Variants in CDK7 observed in about 807,000 individuals in gnomAD.
CDK7 encodes cyclin dependent kinase 7, also known as cyclin-dependent kinase 7.
CDK7 carries 25 observed loss-of-function variants against 49.1 expected under a neutral mutation model. The ratio of observed to expected loss-of-function variants is 0.51; its 90% CI spans 0.37 to 0.71. CDK7 has a LOEUF of 0.71. Ranked by LOEUF, CDK7 falls within the 30% of genes least tolerant of loss-of-function variation. The pLI is 0.00. For missense variants in CDK7, 316 were observed against 411.7 expected (o/e 0.77, Z 2.01); for synonymous variants, 107 against 140.0 (o/e 0.76, Z 1.67).
In CDK7 at chr5:69,277,163, T is replaced by G. The variant is rs1482186307; in HGVS notation, c.*28T>G. 6.4e-7 allele frequency: 1 copy of G among 1,558,762 alleles called. No homozygotes were observed. The highest frequency in any genetic ancestry group is 2.3e-5 in the East Asian group (1 of 43,752). On this transcript the variant is annotated 3_prime_UTR_variant, in exon 12 of 12. Transcript: ENST00000256443. ...AGAACACTGGACAACATTTTACTAC[T>G]GAGGGAAATAGCCAAAAAGGCAAAT...
chr5:69,246,734 C>G (rs1426062005), intron 2 of CDK7, among the ~76,000 whole-genome samples: 9 of 150,870 alleles, frequency 6.0e-5, no homozygotes, highest in Admixed American at 5.9e-4. Flanking sequence ...TAGGCAGTTA[C>G]AGCTATAAAC....
intron 2 of CDK7, among the ~76,000 whole-genome samples, chr5:69,242,590 G>A (rs112614273): frequency 4.6e-5 from 7 of 152,248 alleles, no homozygotes; most frequent in Non-Finnish European, 1.0e-4. Context: ...TTCTAACCTC[G>A]TGTAATTTTA....
In CDK7 at chr5:69,272,942, A is replaced by G; in HGVS notation, c.765A>G (p.Ile255Met). 1 of 1,597,666 alleles carries G rather than the reference A, an allele frequency of 6.3e-7. No homozygotes were observed. The highest frequency in any genetic ancestry group is 2.2e-5 in the East Asian group (1 of 44,656). ...TGACATTTAAGAGTTTCCCTGGAAT[A>G]CCTTTGCATCACATCTTCAGTGCAG... Reference protein sequence around the residue: ...DYVTFKSFPGIPLHHIFSAAG... With the variant: ...DYVTFKSFPGMPLHHIFSAAG... The change falls in exon 10 of 12, where the codon ATA becomes ATG. Residue 255 changes from isoleucine (I) to methionine (M), a missense_variant. Transcript: ENST00000256443.
intron 10 of CDK7, 45 bp downstream of exon 10, chr5:69,273,086 C>G: frequency 7.8e-7 from 1 of 1,283,200 alleles, no homozygotes; most frequent in Non-Finnish European, 1.1e-6. Context: ...TAAAAATAAT[C>G]TTAACTGTAG....
At chr5:69,265,478 T>C (rs138714838) in intron 8 of CDK7, among the ~76,000 whole-genome samples, 344 of 152,302 alleles carry the variant, frequency 2.3e-3, no homozygotes, top group Non-Finnish European at 4.2e-3. Flanking sequence ...GGAAAAAGAA[T>C]GGCATGAGCC....
rs564880683 is a variant in CDK7 at position 69,267,444 on chromosome 5, G to A, written c.628-1763G>A. On this transcript the variant is annotated intron_variant, in intron 8 of 11. Coordinates refer to ENST00000256443, the MANE Select transcript of CDK7 (RefSeq NM_001799.4). ...CTCCCAAGTAGCTGGGATTACAGCC[G>A]TGCACCATGACACCCGCCTAGTTTT... Among the ~76,000 whole-genome samples, 28 of 151,510 alleles carry A rather than the reference G, an allele frequency of 1.8e-4. No homozygotes were observed. In the South Asian group the frequency reaches 4.0e-3, roughly 21 times the overall value.
chr5:69,241,688 T>C (rs1210353785), intron 2 of CDK7, among the ~76,000 whole-genome samples: 1 of 152,200 alleles, frequency 6.6e-6, no homozygotes, highest in Non-Finnish European at 1.5e-5. Context: ...TCTTATGCTG[T>C]CTGCCATTTG....
intron 2 of CDK7, among the ~76,000 whole-genome samples, chr5:69,250,165 G>A (rs1373983139): frequency 6.6e-6 from 1 of 152,162 alleles, no homozygotes; most frequent in African/African-American, 2.4e-5. Flanking sequence ...TGAAGAGTCA[G>A]GTATTTATTA....
chr5:69,273,193 C>A, intron 10 of CDK7, 152 bp downstream of exon 10: 1 of 554,850 alleles, frequency 1.8e-6, no homozygotes, highest in Admixed American at 3.2e-5. Context: ...ATCTTTTCCC[C>A]AAACTACAAA....
At chr5:69,242,865 G>A (rs569800783) in intron 2 of CDK7, among the ~76,000 whole-genome samples, 9 of 152,228 alleles carry the variant, frequency 5.9e-5, no homozygotes, top group Admixed American at 2.6e-4. Context: ...GACCAACATG[G>A]GGAAACCCTG....
At chr5:69,244,955 C>T (rs970858244) in intron 2 of CDK7, among the ~76,000 whole-genome samples, 3 of 152,050 alleles carry the variant, frequency 2.0e-5, no homozygotes, top group Admixed American at 6.6e-5. Flanking sequence ...AGTTTCTGTC[C>T]TTCATTTGTT....
intron 2 of CDK7, among the ~76,000 whole-genome samples, chr5:69,246,550 C>G (rs1462421041): frequency 2.0e-5 from 3 of 152,096 alleles, no homozygotes. Context: ...TTTCAAAACA[C>G]CAACTTGTTA....
intron 8 of CDK7, among the ~76,000 whole-genome samples, chr5:69,267,117 C>T (rs1751207163): frequency 6.6e-6 from 1 of 152,054 alleles, no homozygotes; most frequent in Admixed American, 6.6e-5. Context: ...TATTTTCAAA[C>T]ATGCAAAAGC....
chr5:69,273,167 A>G, intron 10 of CDK7, 126 bp downstream of exon 10: 3 of 674,954 alleles, frequency 4.4e-6, no homozygotes, highest in South Asian at 3.4e-5. Context: ...TTGTTTTAAG[A>G]AATAACAAAC....
At chr5:69,240,161 C>T (rs1449658627) in intron 2 of CDK7, among the ~76,000 whole-genome samples, 1 of 152,054 alleles carries the variant, frequency 6.6e-6, no homozygotes, top group Non-Finnish European at 1.5e-5. Flanking sequence ...CTATTCTGTT[C>T]CAGTGGTGGG....
intron 8 of CDK7, among the ~76,000 whole-genome samples, chr5:69,263,013 T>A (rs569648595): frequency 5.3e-5 from 8 of 152,340 alleles, no homozygotes; most frequent in Non-Finnish European, 1.0e-4. Flanking sequence ...TCTGTATAAC[T>A]TAAGCCTTGT....
At chr5:69,242,172 A>G (rs1458594086) in intron 2 of CDK7, among the ~76,000 whole-genome samples, 1 of 152,044 alleles carries the variant, frequency 6.6e-6, no homozygotes, top group Non-Finnish European at 1.5e-5. Flanking sequence ...TGCAACAAAG[A>G]AAGAGTTTAA....
At chr5:69,261,490 C>CTCTGTGTG (rs1191860477) in intron 7 of CDK7, among the ~76,000 whole-genome samples, 1 of 139,546 alleles carries the variant, frequency 7.2e-6, no homozygotes, top group Non-Finnish European at 1.5e-5. Context: ...AAAAGGTTCT[C>CTCTGTGTG]TGTGTGTGTG....
chr5:69,260,896 C>A (rs1750770138), intron 7 of CDK7, among the ~76,000 whole-genome samples: 1 of 152,176 alleles, frequency 6.6e-6, no homozygotes, highest in Non-Finnish European at 1.5e-5. Context: ...GTACTCACTG[C>A]TGCCTTGACC....
Sources: allele counts gnomAD v4.1 joint callset (sites outside exome capture counted in the v4.1 genomes callset), GRCh38; gene constraint gnomAD v4.1.1; transcripts MANE v1.5; gene names NCBI Gene and HGNC (gene_info 2026-07-23, HGNC 2026-07-21).